GPR107: variants seen among roughly 807,000 people sequenced by gnomAD.
GPR107 encodes G protein-coupled receptor 107.
A neutral mutation model predicts 75.5 loss-of-function variants in GPR107; 31 were observed. The ratio of observed to expected loss-of-function variants is 0.41; its 90% confidence interval spans 0.31 to 0.55. The LOEUF (loss-of-function observed/expected upper bound fraction) is 0.55. GPR107 is among the 20% of genes least tolerant of loss of function. The probability of loss-of-function intolerance (pLI) is 0.26; values close to 1 mark genes in which losing one functional copy is unlikely to be tolerated. For synonymous variants in GPR107, 267 were observed against 251.3 expected, an observed-to-expected ratio of 1.06 and a Z score of -0.59; for missense variants, 572 against 665.7, an observed-to-expected ratio of 0.86 and a Z score of 1.55.
At chr9:130,090,799 T>G in intron 7 of GPR107, 77 bp from the exon 8 acceptor site, 1 of 591,924 alleles carries the variant, frequency 1.7e-6, no homozygotes, top group Non-Finnish European at 3.0e-6. Flanking sequence ...AACAATACTT[T>G]AAAAGAAAAA....
chr9:130,054,426 A>T (rs928726982), intron 1 of GPR107, among the ~76,000 whole-genome samples: 1 of 151,960 alleles, frequency 6.6e-6, no homozygotes, highest in Non-Finnish European at 1.5e-5. Flanking sequence ...TCCAGCTTTT[A>T]TGCTGGCTTT....
chr9:130,071,256 G>A (rs1312580770), intron 1 of GPR107, among the ~76,000 whole-genome samples: 4 of 151,012 alleles, frequency 2.6e-5, no homozygotes, highest in Non-Finnish European at 5.9e-5. Flanking sequence ...CAAACTCCTG[G>A]GCTCAAGCAG....
At position 130,079,748 on chromosome 9, in the gene GPR107, A is replaced by T; in HGVS notation, c.505A>T (p.Asn169Tyr). The change falls in exon 5 of 18, where the codon AAC (asparagine) becomes TAC (tyrosine). Residue 169 changes from asparagine to tyrosine, a missense_variant. Physicochemically the swap from Asn to Tyr is moderately radical, Grantham distance 143 (BLOSUM62 -2). Transcript: ENST00000347136. ...TAATGTTAACCCTGCTTCAGCAGGC[A>T]ACCAGACCCAGAAGACACAAGGTAA... ...EPNVNPASAG[N>Y]QTQKTQDGGK... is the part of the protein sequence containing the mutation. 1 of 1,611,904 alleles carries T rather than the reference A, an allele frequency of 6.2e-7. No individual in the cohort carries two copies. The highest frequency in any genetic ancestry group is 8.5e-7 in the Non-Finnish European group (1 of 1,178,660).
chr9:130,062,215 C>T (rs1268442033), intron 1 of GPR107, among the ~76,000 whole-genome samples: 7 of 151,720 alleles, frequency 4.6e-5, no homozygotes, highest in Admixed American at 4.6e-4. Flanking sequence ...GGGTTTGAGA[C>T]CAGCCTGGCC....
chr9:130,122,281 T>C (rs1429340670), intron 14 of GPR107, among the ~76,000 whole-genome samples: 1 of 152,156 alleles, frequency 6.6e-6, no homozygotes, highest in Admixed American at 6.5e-5. Context: ...AAGAGGTGTT[T>C]AGCTGGTTTG....
In GPR107 at chr9:130,092,367, C is replaced by T. The variant is rs764583148; in HGVS notation, c.849C>T (p.Ile283=). The change falls in exon 9 of 18, where the codon ATC becomes ATT. Residue 283 remains isoleucine (I), a synonymous_variant. Transcript: ENST00000347136. ...FFLSGTIWIH[I]LRKRRNDVFK... is the part of the protein sequence containing the mutation. Reference sequence around the variant, plus strand: ...TTTCTGGGACCATCTGGATTCATATCCTTCGAAAACGACGGTAAACTATTT... The same window carrying T: ...TTTCTGGGACCATCTGGATTCATATTCTTCGAAAACGACGGTAAACTATTT... 1 of 1,611,816 alleles carries T rather than the reference C, an allele frequency of 6.2e-7. No homozygotes were observed. The highest frequency in any genetic ancestry group is 8.5e-7 in the Non-Finnish European group (1 of 1,177,912).
At chr9:130,086,746 C>G (rs1251071994) in intron 7 of GPR107, among the ~76,000 whole-genome samples, 1 of 152,114 alleles carries the variant, frequency 6.6e-6, no homozygotes, top group East Asian at 1.9e-4. Context: ...TCCTGCCTGG[C>G]TGTTCCCATG....
intron 7 of GPR107, among the ~76,000 whole-genome samples, chr9:130,089,301 T>G (rs201459141): frequency 6.6e-6 from 1 of 152,210 alleles, no homozygotes; most frequent in East Asian, 1.9e-4. Flanking sequence ...GCATGGTGAT[T>G]AGCAGCACGT....
At chr9:130,087,394 G>A (rs1272510510) in intron 7 of GPR107, among the ~76,000 whole-genome samples, 1 of 152,060 alleles carries the variant, frequency 6.6e-6, no homozygotes, top group Non-Finnish European at 1.5e-5. Context: ...ATGGCAGGGC[G>A]TGGTGGCTCA....
Position 130,076,800 on chromosome 9 carries a change from C to T in GPR107, c.306+338C>T, listed in dbSNP as rs546259275. Among the ~76,000 whole-genome samples the T allele has an allele frequency of 2.8e-4, 42 of 151,904 alleles. No individual in the cohort carries two copies. The South Asian group carries it at 8.4e-3, about 30-fold the overall frequency. On this transcript the variant is annotated intron_variant, in intron 3 of 17. Transcript: ENST00000347136. ...AGTGCTAGGACTGCAGGCGTGAGCA[C>T]CACGCCTGGCCACAGCGCCATTTCT... is the stretch of plus-strand genomic sequence containing the variant.
At chr9:130,086,395 A>G (rs1331211285) in intron 6 of GPR107, 25 bp from the exon 7 acceptor site, 3 of 1,181,986 alleles carry the variant, frequency 2.5e-6, no homozygotes, top group South Asian at 2.5e-5. Flanking sequence ...GTGTCATCCT[A>G]AAACATACTA....
Position 130,099,540 on chromosome 9 carries a change from T to C in GPR107, c.939+8T>C. 6.5e-7 allele frequency: 1 copy of C among 1,533,686 alleles called. No homozygotes were observed. Among genetic ancestry groups the C allele is most frequent in the Non-Finnish European group, 9.0e-7 (1 of 1,107,884 alleles). On this transcript the variant is annotated splice_region_variant and intron_variant, in intron 10 of 17. Coordinates refer to ENST00000347136, the MANE Select transcript of GPR107 (RefSeq NM_020960.5). ...TCCTTGGTGTTCCATGCAGTATGTA[T>C]TAGCATTTTGAGGATCATTCATGAA...
At chr9:130,116,868 A>G (rs1428698577) in intron 14 of GPR107, among the ~76,000 whole-genome samples, 1 of 152,018 alleles carries the variant, frequency 6.6e-6, no homozygotes, top group African/African-American at 2.4e-5. Flanking sequence ...GTTTACAATA[A>G]TATGCACAGT....
At chr9:130,055,780 C>T (rs1829772138) in intron 1 of GPR107, among the ~76,000 whole-genome samples, 1 of 150,986 alleles carries the variant, frequency 6.6e-6, no homozygotes, top group Admixed American at 6.6e-5. Context: ...CCCCTCTCTA[C>T]TAAAAATACA....
chr9:130,118,144 T>C (rs182419523), intron 14 of GPR107, among the ~76,000 whole-genome samples: 129 of 152,144 alleles, frequency 8.5e-4, no homozygotes, highest in African/African-American at 3.1e-3. Context: ...ACTAAACTTC[T>C]CCAGGCCTGA....
At chr9:130,114,051 A>ATTTTTTTTTTTTT (rs35152076) in intron 14 of GPR107, among the ~76,000 whole-genome samples, 2 of 81,192 alleles carry the variant, frequency 2.5e-5, no homozygotes, top group Non-Finnish European at 4.7e-5. Context: ...TTTTTTTTTC[A>ATTTTTTTTTTTTT]TTTTTTTTTT....
intron 15 of GPR107, among the ~76,000 whole-genome samples, chr9:130,125,934 A>C (rs1392689521): frequency 6.6e-6 from 1 of 151,890 alleles, no homozygotes; most frequent in African/African-American, 2.4e-5. Context: ...GTGTGCTTGT[A>C]GTCCCAGCTA....
chr9:130,067,738 C>G (rs1830101788), intron 1 of GPR107, among the ~76,000 whole-genome samples: 1 of 103,972 alleles, frequency 9.6e-6, no homozygotes, highest in Non-Finnish European at 1.7e-5. Context: ...CTGGTAGTCC[C>G]CCCCCACCGC....
rs1687513447 is a variant in GPR107 at position 130,099,294 on chromosome 9, G to A, written c.864-163G>A. Reference sequence around the variant, plus strand: ...GACACCACTGTCCTCTAGCCTGGGCGACAGAATAAGACCCTGTCTCAAAAA... The same window carrying A: ...GACACCACTGTCCTCTAGCCTGGGCAACAGAATAAGACCCTGTCTCAAAAA... On this transcript the variant is annotated intron_variant, in intron 9 of 17. Transcript: ENST00000347136. 2.6e-5 allele frequency among the ~76,000 whole-genome samples: 4 copies of A among 151,054 alleles called. 1 individual carries two copies. In the South Asian group the frequency reaches 8.3e-4, roughly 32 times the overall value.
Sources: gnomAD v4.1 joint callset for allele counts (sites outside exome capture counted in the v4.1 genomes callset) on GRCh38, gnomAD v4.1.1 for gene constraint, MANE v1.5 for transcripts, NCBI Gene and HGNC (gene_info 2026-07-23, HGNC 2026-07-21) for gene names.